RIN3: variants seen among roughly 807,000 people sequenced by gnomAD.
RIN3 encodes RAB5 interacting protein 3.
A neutral mutation model predicts 76.3 loss-of-function variants in RIN3; 54 were observed. The observed-to-expected ratio is 0.71, with a 90% CI of 0.57 to 0.89. RIN3 has a LOEUF of 0.89. RIN3 is among the 40% of genes least tolerant of loss of function. RIN3 has a pLI of 0.00. For missense variants in RIN3, 1,256 were observed against 1,322.1 expected, an observed-to-expected ratio of 0.95 and a Z score of 0.78; for synonymous variants, 576 against 564.0, an observed-to-expected ratio of 1.02 and a Z score of -0.30.
chr14:92,569,583 C>CT (rs1555384551), intron 2 of RIN3, among the ~76,000 whole-genome samples: 173 of 145,634 alleles, frequency 1.2e-3, no homozygotes, highest in Middle Eastern at 0.011. Flanking sequence ...GAGCTCCTGC[C>CT]TTTTTTTTTT....
chr14:92,521,383 G>T (rs991057401), intron 1 of RIN3, among the ~76,000 whole-genome samples: 20 of 152,212 alleles, frequency 1.3e-4, no homozygotes, highest in African/African-American at 4.6e-4. Flanking sequence ...TTGGATGTTT[G>T]TCCCCTCCAA....
chr14:92,646,093 G>A (rs867571534), intron 5 of RIN3, among the ~76,000 whole-genome samples: 2 of 152,190 alleles, frequency 1.3e-5, no homozygotes, highest in Admixed American at 6.5e-5. Flanking sequence ...TATCCAGAGA[G>A]AGAAAGAGAG....
intron 7 of RIN3, among the ~76,000 whole-genome samples, chr14:92,665,720 G>GT (rs34989567): frequency 2.6e-3 from 392 of 149,668 alleles, no homozygotes; most frequent in Non-Finnish European, 4.6e-3. Flanking sequence ...GAAGGATACT[G>GT]TTTTTTTTCC....
At chr14:92,565,077 G>A (rs1289717025) in intron 2 of RIN3, among the ~76,000 whole-genome samples, 5 of 152,218 alleles carry the variant, frequency 3.3e-5, no homozygotes, top group Admixed American at 3.3e-4. Context: ...ACTGGCACTT[G>A]TCTCCCTGTG....
intron 3 of RIN3, among the ~76,000 whole-genome samples, chr14:92,588,095 G>A (rs1170549391): frequency 2.0e-5 from 3 of 151,934 alleles, no homozygotes; most frequent in East Asian, 1.9e-4. Context: ...TCCCATCCAC[G>A]AGGGAGGAGC....
At chr14:92,622,012 A>G (rs955128248) in intron 4 of RIN3, among the ~76,000 whole-genome samples, 2 of 152,238 alleles carry the variant, frequency 1.3e-5, no homozygotes, top group African/African-American at 4.8e-5. Context: ...GGAGCCAAAC[A>G]GTACCAAAGG....
At chr14:92,653,789 A>G (rs1004792554) in intron 6 of RIN3, among the ~76,000 whole-genome samples, 3 of 152,260 alleles carry the variant, frequency 2.0e-5, no homozygotes, top group Non-Finnish European at 2.9e-5. Context: ...AGGCCAAGGC[A>G]GGAGGATCGC....
chr14:92,576,154 A>T, intron 2 of RIN3: 1 of 1,141,542 alleles, frequency 8.8e-7, no homozygotes, highest in Non-Finnish European at 1.1e-6. Flanking sequence ...AAGCTGTGCC[A>T]CAGGAGGCTG....
At chr14:92,638,040 C>T (rs1304708994) in intron 4 of RIN3, among the ~76,000 whole-genome samples, 1 of 152,154 alleles carries the variant, frequency 6.6e-6, no homozygotes, top group African/African-American at 2.4e-5. Flanking sequence ...ACACCTGACA[C>T]ATAGTAGATG....
chr14:92,565,565 G>A (rs972977145), intron 2 of RIN3, among the ~76,000 whole-genome samples: 2 of 152,218 alleles, frequency 1.3e-5, no homozygotes, highest in African/African-American at 4.8e-5. Context: ...TTCTGGGAAA[G>A]GGGTAGGCAT....
intron 1 of RIN3, among the ~76,000 whole-genome samples, chr14:92,535,669 CTTTTTTTTTTTTTTT>C (rs59009829): frequency 1.1e-5 from 1 of 94,092 alleles, no homozygotes; most frequent in East Asian, 3.3e-4. Context: ...CTGGAACAGA[CTTTTTTTTTTTTTTT>C]TTTTTTTTTA....
At position 92,688,764 on chromosome 14, in the gene RIN3, G is replaced by A. The variant is rs3742714; in HGVS notation, c.*512G>A. On this transcript the variant is annotated 3_prime_UTR_variant, in exon 10 of 10. Coordinates refer to ENST00000216487, the MANE Select transcript of RIN3 (RefSeq NM_024832.5). The stretch of plus-strand genomic sequence containing the variant: ...GAGACAGGCCTCCACCCCTGCACCA[G>A]AGCCTGCTCTTAGCTCCCGGTGCCC... The A allele has an allele frequency of 2.4e-3, 382 of 156,722 alleles. 11 individuals carry two copies. In the East Asian group the frequency reaches 0.068, roughly 28 times the overall value. The allele number at this position is 156,722 out of a possible 1,614,324, so 9.7% of individuals were successfully genotyped here.
chr14:92,644,265 T>C (rs986297320), intron 5 of RIN3, among the ~76,000 whole-genome samples: 2 of 152,184 alleles, frequency 1.3e-5, no homozygotes, highest in Non-Finnish European at 1.5e-5. Flanking sequence ...GTGAGATGCA[T>C]GGCCTCAGTC....
chr14:92,538,430 C>T (rs1321763162), intron 1 of RIN3, among the ~76,000 whole-genome samples: 1 of 152,176 alleles, frequency 6.6e-6, no homozygotes, highest in Non-Finnish European at 1.5e-5. Flanking sequence ...TTTTCTTGAA[C>T]CCTTATTCTA....
At chr14:92,670,612 G>A (rs188306173) in intron 7 of RIN3, among the ~76,000 whole-genome samples, 167 of 152,256 alleles carry the variant, frequency 1.1e-3, no homozygotes, top group African/African-American at 3.7e-3. Flanking sequence ...ATGCCTGTGT[G>A]GATACTTTCT....
In RIN3 at chr14:92,619,369, C is replaced by CA. The variant is rs565793889; in HGVS notation, c.440+3899dup. On this transcript the variant is annotated intron_variant, in intron 4 of 9. Coordinates refer to ENST00000216487, the MANE Select transcript of RIN3 (RefSeq NM_024832.5). ...AGTAGAAACCTTTTATAACCTTTTA[C>CA]AAAAAAAAACACACACACATTCTAC... Among the ~76,000 whole-genome samples, 1,198 of 137,776 alleles carry CA rather than the reference C, an allele frequency of 8.7e-3. 9 individuals carry two copies. The highest frequency in any genetic ancestry group is 0.016 in the East Asian group (78 of 4,800). The allele number at this position is 137,776 out of a possible 152,430, so 90.4% of individuals were successfully genotyped here. A position where few individuals can be genotyped will look rare whatever the true frequency, so the allele number is the denominator to read the frequency against.
intron 2 of RIN3, among the ~76,000 whole-genome samples, chr14:92,572,877 C>CTTTTTTTTTTTTTTT (rs763771909): frequency 3.0e-5 from 3 of 100,110 alleles, no homozygotes; most frequent in African/African-American, 4.3e-5. Context: ...CTTTTTTTTG[C>CTTTTTTTTTTTTTTT]TTTTTTTTTT....
At chr14:92,668,733 C>G (rs1307655744) in intron 7 of RIN3, among the ~76,000 whole-genome samples, 2 of 152,194 alleles carry the variant, frequency 1.3e-5, no homozygotes, top group Admixed American at 1.3e-4. Context: ...CCAGGAAACT[C>G]TCTAGGGGCC....
intron 2 of RIN3, among the ~76,000 whole-genome samples, chr14:92,571,731 T>G (rs1898065935): frequency 2.0e-5 from 3 of 152,202 alleles, no homozygotes; most frequent in South Asian, 4.1e-4. Flanking sequence ...CCATTCAGGT[T>G]TGATAATCCG....
Sources: gnomAD v4.1 joint callset for allele counts (sites outside exome capture counted in the v4.1 genomes callset) on GRCh38, gnomAD v4.1.1 for gene constraint, MANE v1.5 for transcripts, NCBI Gene and HGNC (gene_info 2026-07-23, HGNC 2026-07-21) for gene names.